Variants in IL1RAPL2 observed in about 807,000 individuals in gnomAD.
IL1RAPL2 encodes interleukin 1 receptor accessory protein like 2, also known as X-linked interleukin-1 receptor accessory protein-like 2.
Under a neutral mutation model 44.1 loss-of-function variants are expected in IL1RAPL2, and 3 were observed. The ratio of observed to expected loss-of-function variants is 0.07; its 90% confidence interval spans 0.03 to 0.18. The LOEUF is 0.18. Among genes scored for constraint, IL1RAPL2 ranks in the 10% least tolerant of loss-of-function variants. The pLI, the probability that IL1RAPL2 is intolerant of heterozygous loss-of-function variation, is 1.00. For missense variants in IL1RAPL2, 391 were observed against 496.4 expected (o/e 0.79, Z 2.02); for synonymous variants, 181 against 178.8 (o/e 1.01, Z -0.10).
chrX:105,318,262 C>A (rs775094042), intron 5 of IL1RAPL2, among the ~76,000 whole-genome samples: 1 of 111,515 alleles, frequency 9.0e-6, no homozygotes, highest in Non-Finnish European at 1.9e-5. Flanking sequence ...CGTGAGCCAC[C>A]GCGCCAGGCA....
At chrX:104,886,578 A>G (rs1458791371) in intron 2 of IL1RAPL2, among the ~76,000 whole-genome samples, 1 of 112,526 alleles carries the variant, frequency 8.9e-6, no homozygotes, top group East Asian at 2.8e-4. Flanking sequence ...GCAAGATCTT[A>G]GACTCATCAG....
chrX:104,945,244 CAAAAT>C (rs1179664938), intron 2 of IL1RAPL2, among the ~76,000 whole-genome samples: 17 of 110,150 alleles, frequency 1.5e-4, no homozygotes, highest in South Asian at 3.8e-4. Flanking sequence ...AGGAAAATGA[CAAAAT>C]AAAGTTTAAA....
At chrX:105,482,173 T>C (rs1406339109) in intron 5 of IL1RAPL2, among the ~76,000 whole-genome samples, 1 of 112,097 alleles carries the variant, frequency 8.9e-6, no homozygotes, top group Non-Finnish European at 1.9e-5. Flanking sequence ...ATCACCACAA[T>C]TGTAACAAGG....
intron 2 of IL1RAPL2, among the ~76,000 whole-genome samples, chrX:104,949,048 TG>T (rs1417006865): frequency 2.7e-5 from 3 of 110,630 alleles, no homozygotes; most frequent in Non-Finnish European, 5.7e-5. Context: ...CATCTCGTCC[TG>T]GACTCTTTTT....
intron 3 of IL1RAPL2, chrX:105,220,536 G>T: frequency 1.8e-6 from 1 of 563,133 alleles, no homozygotes; most frequent in Non-Finnish European, 2.6e-6. Flanking sequence ...TGACAAGACC[G>T]TCCTAATGAC....
At chrX:105,139,864 C>G (rs942145622) in intron 2 of IL1RAPL2, among the ~76,000 whole-genome samples, 15 of 112,195 alleles carry the variant, frequency 1.3e-4, no homozygotes, top group African/African-American at 4.9e-4. Flanking sequence ...TTGAATGCGA[C>G]TCCAGCTTTT....
intron 5 of IL1RAPL2, among the ~76,000 whole-genome samples, chrX:105,285,108 C>A (rs1418233709): frequency 8.9e-6 from 1 of 112,044 alleles, no homozygotes; most frequent in African/African-American, 3.2e-5. Flanking sequence ...AGAGACTTAC[C>A]TTCTCTGGTG....
intron 2 of IL1RAPL2, among the ~76,000 whole-genome samples, chrX:104,908,345 T>G (rs947057274): frequency 6.3e-5 from 7 of 111,458 alleles, no homozygotes; most frequent in Non-Finnish European, 1.1e-4. Context: ...ATCCTGTCAT[T>G]ATGATGTTAG....
intron 2 of IL1RAPL2, among the ~76,000 whole-genome samples, chrX:105,109,095 T>C (rs186272728): frequency 1.8e-5 from 2 of 112,200 alleles, no homozygotes; most frequent in East Asian, 5.6e-4. Context: ...CCAGGAAGCC[T>C]TGCCTCCAGG....
chrX:105,203,651 A>G (rs782668294), intron 3 of IL1RAPL2, among the ~76,000 whole-genome samples: 1 of 112,194 alleles, frequency 8.9e-6, no homozygotes, highest in Non-Finnish European at 1.9e-5. Context: ...AATGACCACA[A>G]CAATACTAAA....
intron 6 of IL1RAPL2, among the ~76,000 whole-genome samples, chrX:105,711,097 G>T (rs1387797520): frequency 9.1e-6 from 1 of 109,476 alleles, no homozygotes; most frequent in Non-Finnish European, 1.9e-5. Context: ...TACACCCGGG[G>T]ATCACTGGCT....
At chrX:105,579,847 G>A (rs1265010689) in intron 6 of IL1RAPL2, among the ~76,000 whole-genome samples, 1 of 111,374 alleles carries the variant, frequency 9.0e-6, no homozygotes, top group African/African-American at 3.3e-5. Flanking sequence ...AAAACAAAAT[G>A]TTAGACTCCC....
chrX:104,950,854 C>T (rs1471135567), intron 2 of IL1RAPL2, among the ~76,000 whole-genome samples: 3 of 111,032 alleles, frequency 2.7e-5, no homozygotes, highest in Non-Finnish European at 3.8e-5. Context: ...ACTACAGGCG[C>T]CCGCCACCTC....
At chrX:105,706,647 G>A (rs941180180) in intron 6 of IL1RAPL2, among the ~76,000 whole-genome samples, 2 of 111,048 alleles carry the variant, frequency 1.8e-5, no homozygotes, top group African/African-American at 6.5e-5. Flanking sequence ...CAAGGAATGC[G>A]GATAAAGCCC....
At position 105,694,620 on chromosome X, in the gene IL1RAPL2, C is replaced by A. The variant is rs754117776; in HGVS notation, c.773-22747C>A. ...TGGTTGGACTATGTTGCTTACATAT[C>A]CCTTCCCCTTCCTCATCCCCTCCTG... is the stretch of plus-strand genomic sequence containing the variant. On this transcript the variant is annotated intron_variant, in intron 6 of 10. Transcript: ENST00000372582. Among the ~76,000 whole-genome samples the A allele has an allele frequency of 3.1e-3, 340 of 110,862 alleles. 4 individuals are homozygous for A. Among genetic ancestry groups the A allele is most frequent in the African/African-American group, 0.01 (313 of 30,541 alleles).
intron 2 of IL1RAPL2, among the ~76,000 whole-genome samples, chrX:105,172,274 T>C (rs2033430507): frequency 8.9e-6 from 1 of 112,565 alleles, no homozygotes; most frequent in African/African-American, 3.2e-5. Flanking sequence ...GTTATATTAG[T>C]TTTCTATTAC....
chrX:104,692,376 G>A (rs1421435951), intron 2 of IL1RAPL2, among the ~76,000 whole-genome samples: 1 of 110,042 alleles, frequency 9.1e-6, no homozygotes, highest in Non-Finnish European at 1.9e-5. Flanking sequence ...TATTATTAAA[G>A]TTTTAGGGTA....
At chrX:104,829,455 T>G (rs1921550251) in intron 2 of IL1RAPL2, among the ~76,000 whole-genome samples, 1 of 112,034 alleles carries the variant, frequency 8.9e-6, no homozygotes, top group Admixed American at 9.4e-5. Context: ...CTCCATGGGC[T>G]GCACTCACTG....
chrX:105,376,692 A>G (rs2035389746), intron 5 of IL1RAPL2, among the ~76,000 whole-genome samples: 1 of 112,027 alleles, frequency 8.9e-6, no homozygotes, highest in Non-Finnish European at 1.9e-5. Context: ...AAGTCATGTC[A>G]GCATAATAGG....
Sources: allele counts gnomAD v4.1 joint callset (sites outside exome capture counted in the v4.1 genomes callset), GRCh38; gene constraint gnomAD v4.1.1; transcripts MANE v1.5; gene names NCBI Gene and HGNC (gene_info 2026-07-23, HGNC 2026-07-21).